HEPH: variants seen among roughly 807,000 people sequenced by gnomAD.
HEPH encodes the protein hephaestin.
HEPH carries 69 observed loss-of-function variants against 80.8 expected under a neutral mutation model. The ratio of observed to expected loss-of-function variants is 0.85; its 90% CI spans 0.70 to 1.04. The LOEUF is 1.04. Among genes scored for constraint, HEPH ranks in the 50% least tolerant of loss-of-function variants. The pLI is 0.00. For synonymous variants in HEPH, 431 were observed against 322.8 expected (o/e 1.34, Z -3.60); for missense variants, 1,115 against 891.3 (o/e 1.25, Z -3.20).
intron 15 of HEPH, among the ~76,000 whole-genome samples, chrX:66,250,068 G>A (rs890983882): frequency 9.0e-6 from 1 of 111,168 alleles, no homozygotes; most frequent in Non-Finnish European, 1.9e-5. Context: ...AGGTAGAGGA[G>A]AGTAGGGATC....
At chrX:66,210,593 TA>T (rs2089060651) in intron 15 of HEPH, among the ~76,000 whole-genome samples, 1 of 111,000 alleles carries the variant, frequency 9.0e-6, no homozygotes, top group Admixed American at 9.6e-5. Context: ...GGTACTAAAA[TA>T]ATCAATAAAT....
intron 13 of HEPH, among the ~76,000 whole-genome samples, chrX:66,206,688 G>T (rs920986310): frequency 9.1e-6 from 1 of 109,707 alleles, no homozygotes; most frequent in African/African-American, 3.3e-5. Context: ...TTTAATTGTG[G>T]TTATGCAGCC....
At chrX:66,206,795 C>T (rs1037342644) in intron 13 of HEPH, among the ~76,000 whole-genome samples, 1 of 109,937 alleles carries the variant, frequency 9.1e-6, no homozygotes, top group East Asian at 2.9e-4. Context: ...GTGGGTGAAT[C>T]ATCTGAGGTC....
intron 15 of HEPH, among the ~76,000 whole-genome samples, chrX:66,229,451 G>C (rs2090029530): frequency 9.0e-6 from 1 of 110,570 alleles, no homozygotes; most frequent in African/African-American, 3.3e-5. Context: ...GGATTCAGGG[G>C]AAAGGGTGGG....
intron 4 of HEPH, among the ~76,000 whole-genome samples, chrX:66,174,930 C>T (rs1301996157): frequency 9.9e-5 from 11 of 111,111 alleles, no homozygotes; most frequent in South Asian, 3.8e-4. Context: ...CTTTGTCAGA[C>T]GTATGGATTG....
chrX:66,187,184 G>A (rs1021462202), intron 4 of HEPH, among the ~76,000 whole-genome samples: 1 of 110,446 alleles, frequency 9.1e-6, no homozygotes, highest in Non-Finnish European at 1.9e-5. Flanking sequence ...CTTTCACTGG[G>A]CTTCACCTTT....
chrX:66,193,047 CT>C (rs1262075293), intron 7 of HEPH, among the ~76,000 whole-genome samples: 1 of 110,854 alleles, frequency 9.0e-6, no homozygotes, highest in East Asian at 2.8e-4. Context: ...GTGTTTGAGT[CT>C]CAGCATGGAT....
At chrX:66,225,934 C>T (rs2147967297) in intron 15 of HEPH, among the ~76,000 whole-genome samples, 1 of 112,216 alleles carries the variant, frequency 8.9e-6, no homozygotes, top group South Asian at 3.7e-4. Flanking sequence ...ACTCATGTCT[C>T]CAACAACTGA....
chrX:66,243,581 T>C (rs141718363), intron 15 of HEPH, among the ~76,000 whole-genome samples: 99 of 113,312 alleles, frequency 8.7e-4, no homozygotes, highest in African/African-American at 3.0e-3. Context: ...TATGGATCTC[T>C]TTTAAACAGC....
intron 16 of HEPH, among the ~76,000 whole-genome samples, 159 bp downstream of exon 16, chrX:66,255,300 A>G (rs761349287): frequency 1.8e-5 from 2 of 111,662 alleles, no homozygotes; most frequent in South Asian, 7.7e-4. Context: ...AGGAGGAGGG[A>G]CGAAGGGAAT....
chrX:66,186,518 C>T (rs1249478376), intron 4 of HEPH, among the ~76,000 whole-genome samples: 1 of 112,975 alleles, frequency 8.9e-6, no homozygotes, highest in African/African-American at 3.2e-5. Flanking sequence ...CTCCCTGACC[C>T]CTTGTGCTTC....
At chrX:66,251,823 G>A (rs1439928712) in intron 15 of HEPH, among the ~76,000 whole-genome samples, 2 of 111,890 alleles carry the variant, frequency 1.8e-5, no homozygotes, top group African/African-American at 6.5e-5. Flanking sequence ...AATAAGAAAT[G>A]AGTTTGTAGA....
intron 1 of HEPH, among the ~76,000 whole-genome samples, chrX:66,168,829 C>T (rs2086474686): frequency 9.0e-6 from 1 of 111,437 alleles, no homozygotes; most frequent in African/African-American, 3.3e-5. Flanking sequence ...TGAATAGTAG[C>T]CATTATCATC....
chrX:66,254,681 A>G (rs1342420212), intron 15 of HEPH, among the ~76,000 whole-genome samples: 1 of 110,332 alleles, frequency 9.1e-6, no homozygotes, highest in Non-Finnish European at 1.9e-5. Context: ...AACTTTGTGC[A>G]AACAACTGCA....
chrX:66,263,954 C>T (rs1021424168), intron 20 of HEPH, among the ~76,000 whole-genome samples: 10 of 110,884 alleles, frequency 9.0e-5, no homozygotes, highest in African/African-American at 3.3e-4. Flanking sequence ...CTGTCTTAGC[C>T]TCTCATCTAA....
chrX:66,237,141 A>AT (rs58556268), intron 15 of HEPH, among the ~76,000 whole-genome samples: 83 of 99,984 alleles, frequency 8.3e-4, no homozygotes, highest in East Asian at 1.3e-3. Flanking sequence ...TTCAGCTCTG[A>AT]TTTTTTTTTT....
chrX:66,187,301 T>G (rs1344578020), intron 4 of HEPH, among the ~76,000 whole-genome samples: 4 of 111,034 alleles, frequency 3.6e-5, no homozygotes, highest in Non-Finnish European at 7.5e-5. Flanking sequence ...GGTGAGCTAG[T>G]GTGATTTTTT....
chrX:66,266,369 A>G (rs1212507061), intron 20 of HEPH, 71 bp from the exon 21 acceptor site: 17 of 806,602 alleles, frequency 2.1e-5, no homozygotes, highest in African/African-American at 4.2e-5. Context: ...TTTTCAGGTG[A>G]TGACTATAGA....
intron 15 of HEPH, among the ~76,000 whole-genome samples, chrX:66,254,484 G>A (rs2091107587): frequency 9.0e-6 from 1 of 111,309 alleles, no homozygotes; most frequent in Admixed American, 9.6e-5. Flanking sequence ...TCCTGGTGCT[G>A]TCAGGACAAT....
Sources: gnomAD v4.1 joint callset for allele counts (sites outside exome capture counted in the v4.1 genomes callset) on GRCh38, gnomAD v4.1.1 for gene constraint, MANE v1.5 for transcripts, NCBI Gene and HGNC (gene_info 2026-07-23, HGNC 2026-07-21) for gene names.